The following ZSWIM6 variants were observed in gnomAD, a reference collection of about 807,000 sequenced individuals.
ZSWIM6 encodes zinc finger SWIM-type containing 6.
In ZSWIM6, 9 loss-of-function variants were observed where a neutral mutation model predicts 113.2. The ratio of observed to expected loss-of-function variants is 0.08; its 90% CI spans 0.05 to 0.14. ZSWIM6 has a LOEUF of 0.14. Ranked by LOEUF, ZSWIM6 falls within the 10% of genes least tolerant of loss-of-function variation. ZSWIM6 has a pLI of 1.00. For missense variants in ZSWIM6, 1,162 were observed against 1,552.2 expected (o/e 0.75, Z 4.22); for synonymous variants, 611 against 606.5 (o/e 1.01, Z -0.11).
intron 2 of ZSWIM6, among the ~76,000 whole-genome samples, chr5:61,487,604 C>T (rs988278256): frequency 6.6e-6 from 1 of 151,516 alleles, no homozygotes; most frequent in African/African-American, 2.4e-5. Flanking sequence ...AATATTTTAC[C>T]TCCTTGGTTA....
intron 11 of ZSWIM6, 98 bp from the exon 12 acceptor site, chr5:61,539,498 C>T: frequency 4.5e-6 from 6 of 1,319,492 alleles, no homozygotes; most frequent in South Asian, 1.7e-5. Flanking sequence ...TTCTTTTTTC[C>T]CCCTCTGTGT....
intron 1 of ZSWIM6, among the ~76,000 whole-genome samples, chr5:61,465,913 G>A (rs1747424499): frequency 6.6e-6 from 1 of 152,156 alleles, no homozygotes; most frequent in African/African-American, 2.4e-5. Flanking sequence ...ATCTCCTAAT[G>A]TCTTTCTATA....
chr5:61,422,854 T>C (rs769726335), intron 1 of ZSWIM6, among the ~76,000 whole-genome samples: 20 of 152,198 alleles, frequency 1.3e-4, no homozygotes, highest in Non-Finnish European at 2.8e-4. Flanking sequence ...TTTTTCAGAT[T>C]GTTTGCTGTT....
chr5:61,333,003 G>GC, intron 1 of ZSWIM6, 55 bp downstream of exon 1: 2 of 968,200 alleles, frequency 2.1e-6, no homozygotes, highest in Non-Finnish European at 1.3e-6. Flanking sequence ...CCTGGGTGGG[G>GC]GGGGGGTGCC....
intron 2 of ZSWIM6, among the ~76,000 whole-genome samples, chr5:61,473,720 G>A (rs947162373): frequency 6.6e-6 from 1 of 152,028 alleles, no homozygotes; most frequent in Non-Finnish European, 1.5e-5. Flanking sequence ...GCCAAACATA[G>A]GTTGCTTGTG....
At chr5:61,444,998 C>G (rs766107430) in intron 1 of ZSWIM6, among the ~76,000 whole-genome samples, 2 of 152,176 alleles carry the variant, frequency 1.3e-5, no homozygotes, top group African/African-American at 4.8e-5. Flanking sequence ...ATTTATTCTG[C>G]AGAAACCCTA....
intron 1 of ZSWIM6, among the ~76,000 whole-genome samples, chr5:61,465,827 TTAAAA>T (rs1747422270): frequency 6.6e-6 from 1 of 152,230 alleles, no homozygotes; most frequent in Non-Finnish European, 1.5e-5. Flanking sequence ...TAAGGTAGTC[TTAAAA>T]TAAAGCTTTT....
At chr5:61,374,373 A>C (rs1171012988) in intron 1 of ZSWIM6, among the ~76,000 whole-genome samples, 1 of 152,064 alleles carries the variant, frequency 6.6e-6, no homozygotes. Flanking sequence ...GCGTTCATAC[A>C]TTTTTCATAT....
intron 9 of ZSWIM6, among the ~76,000 whole-genome samples, chr5:61,532,945 A>G (rs956079772): frequency 6.6e-6 from 1 of 152,354 alleles, no homozygotes; most frequent in Non-Finnish European, 1.5e-5. Context: ...GTCACTGACT[A>G]TACTGACTTT....
intron 1 of ZSWIM6, among the ~76,000 whole-genome samples, chr5:61,417,077 G>A (rs913820096): frequency 1.3e-5 from 2 of 152,190 alleles, no homozygotes; most frequent in Non-Finnish European, 2.9e-5. Flanking sequence ...GGGAGGTGGA[G>A]GTTGCAGTGA....
In ZSWIM6 at chr5:61,525,796, A is replaced by G; in HGVS notation, c.1514-4A>G. On this transcript the variant is annotated splice_region_variant and splice_polypyrimidine_tract_variant and intron_variant, in intron 5 of 13. Transcript: ENST00000252744. ...CACGGCTTTCTGAATTGTGGAAAAA[A>G]CAGATTCATCGAACAGGCCACATCG... 6.4e-7 allele frequency: 1 copy of G among 1,551,420 alleles called. No homozygotes were observed. The highest frequency in any genetic ancestry group is 8.7e-7 in the Non-Finnish European group (1 of 1,146,804).
At chr5:61,527,757 G>A (rs982597486) in intron 7 of ZSWIM6, among the ~76,000 whole-genome samples, 6 of 152,114 alleles carry the variant, frequency 3.9e-5, no homozygotes, top group South Asian at 2.1e-4. Context: ...GAGCCAGTTC[G>A]TGATGATCAT....
chr5:61,355,539 CTAAG>C (rs1284477580), intron 1 of ZSWIM6, among the ~76,000 whole-genome samples: 3 of 149,752 alleles, frequency 2.0e-5, no homozygotes, highest in African/African-American at 4.9e-5. Flanking sequence ...AGTTTTGTAA[CTAAG>C]TGTTAGAGAA....
At chr5:61,478,438 CAT>C (rs1193428171) in intron 2 of ZSWIM6, among the ~76,000 whole-genome samples, 3 of 152,124 alleles carry the variant, frequency 2.0e-5, no homozygotes, top group Non-Finnish European at 2.9e-5. Flanking sequence ...CACGAACACA[CAT>C]GTGCAGACAT....
chr5:61,535,430 GA>G (rs1302442647), intron 9 of ZSWIM6, 53 bp from the exon 10 acceptor site: 1 of 1,538,094 alleles, frequency 6.5e-7, no homozygotes, highest in Non-Finnish European at 8.8e-7. Context: ...TGCTTTACAA[GA>G]AGTGTTAGTT....
At position 61,440,734 on chromosome 5, in the gene ZSWIM6, A is replaced by G. The variant is rs143369296; in HGVS notation, c.677-31947A>G. On this transcript the variant is annotated intron_variant, in intron 1 of 13. Coordinates refer to ENST00000252744, the MANE Select transcript of ZSWIM6 (RefSeq NM_020928.2). Reference sequence around the variant, plus strand: ...GTTTGGGGCGTTCAGGCCCTAAGCTATGTTGGTTGAGTGAAAGGGGAATTT... The same window carrying G: ...GTTTGGGGCGTTCAGGCCCTAAGCTGTGTTGGTTGAGTGAAAGGGGAATTT... Among the ~76,000 whole-genome samples, 8 of 152,292 alleles carry G rather than the reference A, an allele frequency of 5.3e-5. No homozygotes were observed. In the East Asian group the frequency reaches 1.5e-3, roughly 29 times the overall value.
intron 1 of ZSWIM6, among the ~76,000 whole-genome samples, chr5:61,336,221 A>G (rs189626115): frequency 2.2e-4 from 34 of 152,228 alleles, no homozygotes; most frequent in Middle Eastern, 3.4e-3. Context: ...CTAAGATCGT[A>G]CCATTGCACT....
chr5:61,348,616 T>C (rs1193409677), intron 1 of ZSWIM6, among the ~76,000 whole-genome samples: 1 of 152,224 alleles, frequency 6.6e-6, no homozygotes, highest in Admixed American at 6.5e-5. Context: ...ATTTATGAGT[T>C]GCTGTTTTCC....
rs1411446086 is a variant in ZSWIM6, at chr5:61,544,083, G to T, written c.3414G>T (p.Leu1138Phe). The T allele has an allele frequency of 1.3e-6, 2 of 1,551,954 alleles. No individual in the cohort carries two copies. The highest frequency in any genetic ancestry group is 1.2e-5 in the South Asian group (1 of 84,060). ...GKLMSLDKAP[L>F]RQLLDATIGA... ...TCATGTCACTGGACAAAGCCCCCTT[G>T]AGGCAACTCTTGGATGCCACGATCG... The change falls in exon 14 of 14, where the codon TTG becomes TTT. Residue 1138 changes from leucine to phenylalanine, a missense_variant. Physicochemically the swap from Leu to Phe is conservative, Grantham distance 22. Around this residue, in one of 4 missense-constraint regions of ZSWIM6, gnomAD observed 113 missense variants for 213.8 expected, o/e 0.53. Coordinates refer to ENST00000252744, the MANE Select transcript of ZSWIM6 (RefSeq NM_020928.2).
Sources: gnomAD v4.1 joint callset for allele counts (sites outside exome capture counted in the v4.1 genomes callset) on GRCh38, gnomAD v4.1.1 for gene constraint, gnomAD v4.1.1 regional missense constraint, MANE v1.5 for transcripts, NCBI Gene and HGNC (gene_info 2026-07-23, HGNC 2026-07-21) for gene names.